Variants in CACNA1A observed in about 807,000 individuals in gnomAD.
CACNA1A encodes calcium voltage-gated channel subunit alpha1 A.
CACNA1A carries 57 observed loss-of-function variants against 262.4 expected under a neutral mutation model. The observed-to-expected ratio is 0.22, with a 90% confidence interval of 0.18 to 0.27. The LOEUF (loss-of-function observed/expected upper bound fraction) is 0.27. Ranked by LOEUF, CACNA1A falls within the 10% of genes least tolerant of loss-of-function variation. The probability of loss-of-function intolerance (pLI) is 1.00; values close to 1 mark genes in which losing one functional copy is unlikely to be tolerated. For synonymous variants in CACNA1A, 1,431 were observed against 1,419.3 expected (o/e 1.01, Z -0.18); for missense variants, 2,526 against 3,562.8 (o/e 0.71, Z 7.41).
At chr19:13,230,310 A>T (rs777424704) in intron 35 of CACNA1A, 101 bp from the exon 36 acceptor site, 5 of 1,304,988 alleles carry the variant, frequency 3.8e-6, no homozygotes, top group Non-Finnish European at 3.2e-6. Flanking sequence ...AGACAGACCC[A>T]AAGACATGTA....
At chr19:13,353,936 A>C (rs1469605022) in intron 6 of CACNA1A, among the ~76,000 whole-genome samples, 1 of 152,184 alleles carries the variant, frequency 6.6e-6, no homozygotes, top group African/African-American at 2.4e-5. Flanking sequence ...GGCTTCCCAT[A>C]GTACATACAC....
rs138057423 is a variant in CACNA1A at position 13,214,805 on chromosome 19, C to T, written c.5732-197G>A. ...GAATGACCTTGTGGGCTCTGGTTTT[C>T]GGTGGGGCCAGGACCATGGAGCAGC... On this transcript the variant is annotated intron_variant, in intron 38 of 46. Coordinates refer to ENST00000360228, the MANE Select transcript of CACNA1A (RefSeq NM_001127222.2). This position sits in a 1 kb window ranked among gnomAD's most constrained non-coding sequence, Gnocchi z 4.1. 2.0e-3 allele frequency: 1,162 copies of T among 594,648 alleles called. 15 individuals are homozygous for T. The highest frequency in any genetic ancestry group is 0.018 in the African/African-American group (959 of 53,830). The allele number at this position is 594,648 out of a possible 1,614,324, so 36.8% of individuals were successfully genotyped here.
chr19:13,461,742 G>C (rs772114482), intron 1 of CACNA1A, among the ~76,000 whole-genome samples: 25 of 152,308 alleles, frequency 1.6e-4, no homozygotes, highest in Admixed American at 5.2e-4. Flanking sequence ...GAGCCTTTCT[G>C]CTCCCTGATT....
At chr19:13,342,974 C>T (rs117658245) in intron 6 of CACNA1A, among the ~76,000 whole-genome samples, 13,402 of 151,776 alleles carry the variant, frequency 0.088, 852 homozygotes, top group East Asian at 0.37. Context: ...AGGCTGGTCT[C>T]GAACTCCTGG....
intron 10 of CACNA1A, among the ~76,000 whole-genome samples, chr19:13,323,791 AT>A (rs1386941988): frequency 2.0e-5 from 3 of 152,098 alleles, no homozygotes; most frequent in African/African-American, 7.2e-5. Context: ...CCATTTGTCC[AT>A]TTTGGCTTCT....
intron 1 of CACNA1A, among the ~76,000 whole-genome samples, chr19:13,489,202 G>A (rs1182748466): frequency 6.6e-6 from 1 of 151,374 alleles, no homozygotes; most frequent in Admixed American, 6.6e-5. Context: ...AGTAGAGATG[G>A]GGTTTCACCA....
chr19:13,282,869 T>G (rs2057323264), intron 22 of CACNA1A, among the ~76,000 whole-genome samples: 1 of 152,112 alleles, frequency 6.6e-6, no homozygotes. Flanking sequence ...AGTTGTTTCT[T>G]TCAAAGCTTC....
intron 24 of CACNA1A, among the ~76,000 whole-genome samples, chr19:13,269,472 T>C (rs775247294): frequency 6.6e-6 from 1 of 152,152 alleles, no homozygotes; most frequent in East Asian, 1.9e-4. Flanking sequence ...GTTTTGAAGA[T>C]GAGGATCAAG....
At chr19:13,485,286 G>A (rs908699973) in intron 1 of CACNA1A, among the ~76,000 whole-genome samples, 2 of 152,088 alleles carry the variant, frequency 1.3e-5, no homozygotes, top group African/African-American at 4.8e-5. Flanking sequence ...AAAACTTTCA[G>A]AAATAACATA....
chr19:13,421,236 G>A (rs1268479399), intron 3 of CACNA1A, among the ~76,000 whole-genome samples: 3 of 152,134 alleles, frequency 2.0e-5, no homozygotes, highest in Non-Finnish European at 2.9e-5. Context: ...GCTATTATAG[G>A]AGAGAAATTA....
intron 3 of CACNA1A, among the ~76,000 whole-genome samples, chr19:13,416,545 G>A (rs540525987): frequency 1.5e-4 from 23 of 152,336 alleles, no homozygotes; most frequent in African/African-American, 4.6e-4. Context: ...GCCGGGCGCG[G>A]TGGCTCACAC....
At chr19:13,340,326 G>A (rs2058655704) in intron 6 of CACNA1A, among the ~76,000 whole-genome samples, 1 of 152,060 alleles carries the variant, frequency 6.6e-6, no homozygotes. Flanking sequence ...TGGAGGCTTG[G>A]ACTGTTTGAG....
chr19:13,250,984 T>G (rs1156832989), intron 30 of CACNA1A, among the ~76,000 whole-genome samples: 3 of 151,322 alleles, frequency 2.0e-5, no homozygotes, highest in Non-Finnish European at 4.4e-5. Context: ...ATATAAAAAT[T>G]AGCCTGGCAT....
chr19:13,223,790 C>T (rs1568435222), intron 38 of CACNA1A, among the ~76,000 whole-genome samples: 1 of 152,160 alleles, frequency 6.6e-6, no homozygotes, highest in Non-Finnish European at 1.5e-5. Flanking sequence ...CAGTGGCGGC[C>T]TCCCCATCCA....
intron 36 of CACNA1A, chr19:13,229,062 TGG>T (rs61098915): frequency 2.2e-5 from 4 of 183,952 alleles, no homozygotes; most frequent in East Asian, 1.6e-4. Flanking sequence ...GCTACAGGGG[TGG>T]GGGGGGGCTT....
chr19:13,275,764 T>C, intron 24 of CACNA1A, 86 bp downstream of exon 24: 1 of 926,528 alleles, frequency 1.1e-6, no homozygotes, highest in South Asian at 1.4e-5. Flanking sequence ...CCCTAGACCC[T>C]GAGAACATGT....
At chr19:13,340,874 G>C (rs2058666943) in intron 6 of CACNA1A, among the ~76,000 whole-genome samples, 1 of 152,118 alleles carries the variant, frequency 6.6e-6, no homozygotes, top group African/African-American at 2.4e-5. Flanking sequence ...AGGTCATTAG[G>C]GTGGAACCTC....
intron 6 of CACNA1A, among the ~76,000 whole-genome samples, chr19:13,355,621 C>A (rs954971088): frequency 9.9e-5 from 15 of 152,078 alleles, no homozygotes; most frequent in African/African-American, 3.6e-4. Flanking sequence ...CTTCTCCAGG[C>A]ACTGGATGGG....
intron 44 of CACNA1A, among the ~76,000 whole-genome samples, 191 bp from the exon 45 acceptor site, chr19:13,209,689 GCC>G (rs747487565): frequency 3.0e-4 from 46 of 152,310 alleles, no homozygotes; most frequent in Non-Finnish European, 6.0e-4. Context: ...GTGTGGCCAG[GCC>G]TCTGAGGGTG....
Sources: gnomAD v4.1 joint callset for allele counts (sites outside exome capture counted in the v4.1 genomes callset) on GRCh38, gnomAD v4.1.1 for gene constraint, Gnocchi (gnomAD v3.1) non-coding constraint, MANE v1.5 for transcripts, NCBI Gene and HGNC (gene_info 2026-07-23, HGNC 2026-07-21) for gene names.